SNAP25: variants seen among roughly 807,000 people sequenced by gnomAD.
SNAP25 encodes the protein synaptosome associated protein 25.
In SNAP25, 3 loss-of-function variants were observed where a neutral mutation model predicts 28.7. The observed-to-expected ratio is 0.10, with a 90% CI of 0.05 to 0.27. The LOEUF is 0.27. SNAP25 is among the 10% of genes least tolerant of loss of function. The pLI is 1.00. For missense variants in SNAP25, 117 were observed against 278.7 expected, an observed-to-expected ratio of 0.42 and a Z score of 4.13; for synonymous variants, 61 against 88.1, an observed-to-expected ratio of 0.69 and a Z score of 1.72.
intron 1 of SNAP25, among the ~76,000 whole-genome samples, chr20:10,221,485 G>A (rs946869424): frequency 2.0e-5 from 3 of 152,160 alleles, no homozygotes; most frequent in Non-Finnish European, 2.9e-5. Context: ...GCAATGCGGT[G>A]AGAAGAGGCA....
chr20:10,238,739 G>A (rs546074211), intron 1 of SNAP25, among the ~76,000 whole-genome samples: 13 of 152,098 alleles, frequency 8.5e-5, no homozygotes, highest in African/African-American at 1.7e-4. Context: ...GTGAAACTCC[G>A]TCTCTACTAA....
intron 1 of SNAP25, among the ~76,000 whole-genome samples, chr20:10,240,000 G>A (rs924088581): frequency 2.6e-5 from 4 of 152,170 alleles, no homozygotes; most frequent in African/African-American, 9.7e-5. Flanking sequence ...GCAGTTTTTG[G>A]GAATCACGAG....
At chr20:10,304,387 T>C (rs987695155) in intron 7 of SNAP25, among the ~76,000 whole-genome samples, 2 of 152,012 alleles carry the variant, frequency 1.3e-5, no homozygotes, top group African/African-American at 4.8e-5. Context: ...ATTTTTTGAC[T>C]CCCCCAAAAT....
chr20:10,267,612 G>T (rs954941808), intron 1 of SNAP25, among the ~76,000 whole-genome samples: 5 of 152,162 alleles, frequency 3.3e-5, no homozygotes, highest in African/African-American at 1.2e-4. Context: ...GAGTGCAGTG[G>T]CATGATCTTG....
chr20:10,304,880 T>C (rs1014853300), intron 7 of SNAP25, among the ~76,000 whole-genome samples: 3 of 152,160 alleles, frequency 2.0e-5, no homozygotes, highest in African/African-American at 7.2e-5. Flanking sequence ...AAACGGATGC[T>C]CACAACACTT....
At chr20:10,241,294 G>A (rs927737834) in intron 1 of SNAP25, among the ~76,000 whole-genome samples, 2 of 152,064 alleles carry the variant, frequency 1.3e-5, no homozygotes, top group African/African-American at 2.4e-5. Flanking sequence ...GGGTGGCTCC[G>A]TACCCCAGCT....
chr20:10,274,081 T>C (rs549050726), intron 1 of SNAP25, among the ~76,000 whole-genome samples: 35 of 152,150 alleles, frequency 2.3e-4, no homozygotes, highest in Non-Finnish European at 4.1e-4. Flanking sequence ...TGTCCATCAC[T>C]GTATCCCTAG....
chr20:10,232,624 TA>T (rs2062847280), intron 1 of SNAP25, among the ~76,000 whole-genome samples: 1 of 152,200 alleles, frequency 6.6e-6, no homozygotes, highest in African/African-American at 2.4e-5. Flanking sequence ...TCGCCAAATA[TA>T]GATTGTGCCT....
rs57690835 is a variant in SNAP25, at chr20:10,263,009, C to CTTTTTTTTTTTTT, written c.-63-12405_-63-12393dup. Among the ~76,000 whole-genome samples, 2 of 50,644 alleles carry CTTTTTTTTTTTTT rather than the reference C, an allele frequency of 3.9e-5. 1 individual carries two copies. Among genetic ancestry groups the CTTTTTTTTTTTTT allele is most frequent in the Non-Finnish European group, 6.9e-5 (2 of 29,118 alleles). 33.2% of individuals were successfully genotyped at this position (50,644 alleles called of 152,430 possible). On this transcript the variant is annotated intron_variant, in intron 1 of 7. Transcript: ENST00000254976. ...TCAGGCGAAGCAACCCTGGGGTGCT[C>CTTTTTTTTTTTTT]TTTTTTTTTTTTTTTTTTTTTTTTT...
chr20:10,266,629 G>A lies in SNAP25; in HGVS notation c.-63-8800G>A, dbSNP rs577232314. 4.6e-5 allele frequency among the ~76,000 whole-genome samples: 7 copies of A among 152,278 alleles called. No individual in the cohort carries two copies. In the South Asian group the frequency reaches 8.3e-4, roughly 18 times the overall value. ...TTTGATTGGATTGAGTTTGATCAAG[G>A]TTGTGCAATATGAATAACATAGTAG... On this transcript the variant is annotated intron_variant, in intron 1 of 7. Coordinates refer to ENST00000254976, the MANE Select transcript of SNAP25 (RefSeq NM_130811.4).
chr20:10,288,096 A>G (rs57197770), intron 4 of SNAP25, among the ~76,000 whole-genome samples: 2,442 of 152,176 alleles, frequency 0.016, 58 homozygotes, highest in African/African-American at 0.055. Flanking sequence ...CCAGCATGGC[A>G]CATGTATACA....
At chr20:10,248,336 T>C (rs2063165510) in intron 1 of SNAP25, among the ~76,000 whole-genome samples, 1 of 152,188 alleles carries the variant, frequency 6.6e-6, no homozygotes, top group South Asian at 2.1e-4. Context: ...TGCAAATTAT[T>C]TTATAGTGTT....
At position 10,307,074 on chromosome 20, in the gene SNAP25, T is replaced by C. The variant is rs542940170; in HGVS notation, c.*877T>C. 1 of 152,626 alleles carries C rather than the reference T, an allele frequency of 6.6e-6. No individual in the cohort carries two copies. Among genetic ancestry groups the C allele is most frequent in the East Asian group, 1.9e-4 (1 of 5,192 alleles). 9.5% of individuals were successfully genotyped at this position (152,626 alleles called of 1,614,324 possible). On this transcript the variant is annotated 3_prime_UTR_variant, in exon 8 of 8. Coordinates refer to ENST00000254976, the MANE Select transcript of SNAP25 (RefSeq NM_130811.4). Reference sequence around the variant, plus strand: ...TCAAATGGATGTAATATAGGGTTTGTTTGCTGCTTTTGATGGCTATGTTTT... The same window carrying C: ...TCAAATGGATGTAATATAGGGTTTGCTTGCTGCTTTTGATGGCTATGTTTT...
chr20:10,265,832 G>A (rs1176815017), intron 1 of SNAP25, among the ~76,000 whole-genome samples: 3 of 152,136 alleles, frequency 2.0e-5, no homozygotes, highest in Non-Finnish European at 4.4e-5. Flanking sequence ...GTGATTTAGG[G>A]CAGCACTTCT....
At chr20:10,294,594 G>C (rs1308925207) in intron 5 of SNAP25, among the ~76,000 whole-genome samples, 4 of 152,134 alleles carry the variant, frequency 2.6e-5, no homozygotes, top group Admixed American at 2.6e-4. Context: ...AACAATAAGA[G>C]TTGATCTTCA....
chr20:10,268,400 A>G (rs2063539381), intron 1 of SNAP25, among the ~76,000 whole-genome samples: 1 of 152,146 alleles, frequency 6.6e-6, no homozygotes, highest in African/African-American at 2.4e-5. Context: ...ATTTATACAT[A>G]TTTGTTAGTT....
intron 1 of SNAP25, among the ~76,000 whole-genome samples, chr20:10,264,922 T>TA (rs2063481980): frequency 6.6e-6 from 1 of 150,454 alleles, no homozygotes; most frequent in South Asian, 2.1e-4. Context: ...ACCATGCTTT[T>TA]TTTTTTTTTT....
At chr20:10,297,114 T>G in intron 6 of SNAP25, 64 bp downstream of exon 6, 3 of 1,457,136 alleles carry the variant, frequency 2.1e-6, no homozygotes, top group Non-Finnish European at 2.7e-6. Context: ...ACTCCAAAAC[T>G]GAGTGGTTTT....
chr20:10,273,611 G>A (rs1351118218), intron 1 of SNAP25, among the ~76,000 whole-genome samples: 1 of 152,178 alleles, frequency 6.6e-6, no homozygotes, highest in Non-Finnish European at 1.5e-5. Context: ...ACCTGCTTCT[G>A]AACTGCCTTA....
Sources: gnomAD v4.1 joint callset for allele counts (sites outside exome capture counted in the v4.1 genomes callset) on GRCh38, gnomAD v4.1.1 for gene constraint, MANE v1.5 for transcripts, NCBI Gene and HGNC (gene_info 2026-07-23, HGNC 2026-07-21) for gene names.